The following PROM1 variants were observed in gnomAD, a reference collection of about 807,000 sequenced individuals.
PROM1 encodes the protein prominin 1, also known as prominin-1.
A neutral mutation model predicts 116.9 loss-of-function variants in PROM1; 105 were observed. The ratio of observed to expected loss-of-function variants is 0.90; its 90% CI spans 0.77 to 1.06. The LOEUF is 1.06. Ranked by LOEUF, PROM1 falls within the 50% of genes least tolerant of loss-of-function variation. The pLI, the probability that PROM1 is intolerant of heterozygous loss-of-function variation, is 0.00. For synonymous variants in PROM1, 393 were observed against 387.0 expected, an observed-to-expected ratio of 1.02 and a Z score of -0.18; for missense variants, 1,122 against 1,045.2, an observed-to-expected ratio of 1.07 and a Z score of -1.01.
At chr4:16,038,083 G>A (rs925193469) in intron 3 of PROM1, 1 of 152,060 alleles carries the variant, frequency 6.6e-6, no homozygotes, top group Admixed American at 6.5e-5. Context: ...CCATCCCACC[G>A]GCTCTGCCCT....
intron 5 of PROM1, among the ~76,000 whole-genome samples, chr4:16,025,721 A>G (rs199821727): frequency 1.0e-3 from 63 of 62,148 alleles, no homozygotes; most frequent in Admixed American, 1.9e-3. Flanking sequence ...ACACACACGC[A>G]CACACACACA....
At chr4:16,007,674 T>C (rs1297329862) in intron 12 of PROM1, among the ~76,000 whole-genome samples, 1 of 152,016 alleles carries the variant, frequency 6.6e-6, no homozygotes, top group African/African-American at 2.4e-5. Context: ...GATAAGTTCA[T>C]AGTGTCAGGG....
At chr4:15,971,953 C>A (rs1234900057) in intron 26 of PROM1, 2 of 152,218 alleles carry the variant, frequency 1.3e-5, no homozygotes, top group Non-Finnish European at 1.5e-5. Context: ...CTCAAAGGGC[C>A]CCTGGAAAAG....
intron 18 of PROM1, 59 bp from the exon 19 acceptor site, chr4:15,989,883 G>A (rs1175312519): frequency 1.2e-5 from 17 of 1,365,188 alleles, no homozygotes; most frequent in Middle Eastern, 1.8e-4. Flanking sequence ...AAGCACTCTC[G>A]CTATCCTCAG....
In PROM1 at chr4:16,008,971, A is replaced by G. The variant is rs200710798; in HGVS notation, c.1279T>C (p.Leu427=). ...ESYIHRNLPT[L]EEYDSYWWLG... is the part of the protein sequence containing the mutation. The stretch of plus-strand genomic sequence containing the variant: ...CACCAGTATGAATCATACTCTTCCA[A>G]TGTAGGTAAATTTCTGTGGATGTAA... The change falls in exon 12 of 28, where the codon TTG becomes CTG. Residue 427 remains leucine, a synonymous_variant. Coordinates refer to ENST00000447510, the MANE Select transcript of PROM1 (RefSeq NM_006017.3). 1.2e-4 allele frequency: 195 copies of G among 1,591,790 alleles called. No individual in the cohort carries two copies. The highest frequency in any genetic ancestry group is 1.6e-5 in the Non-Finnish European group (18 of 1,160,800).
intron 4 of PROM1, among the ~76,000 whole-genome samples, chr4:16,034,002 G>T (rs1019063270): frequency 6.6e-5 from 10 of 152,134 alleles, no homozygotes; most frequent in African/African-American, 2.4e-4. Context: ...TGGCCAAGTG[G>T]TTACTGGAAG....
At position 16,075,639 on chromosome 4, in the gene PROM1, G is replaced by A. The variant is rs757956594; in HGVS notation, c.220+48C>T. ...CATTGACATTAAAAAACAATATTGT[G>A]GGTGCGTTTGGAGATAAATCCTATC... On this transcript the variant is annotated intron_variant, in intron 2 of 27. Transcript: ENST00000447510. 1.8e-5 allele frequency: 27 copies of A among 1,503,556 alleles called. No homozygotes were observed. In the East Asian group the frequency reaches 4.2e-4, roughly 24 times the overall value. The allele number at this position is 1,503,556 out of a possible 1,614,324, so 93.1% of individuals were successfully genotyped here.
At position 16,023,415 on chromosome 4, in the gene PROM1, C is replaced by T; in HGVS notation, c.695G>A (p.Ser232Asn). ...TCCGCCTCCTAGCACTGAATTGATA[C>T]CTACATGCAAATAAGCACAAAGATG... ...TKDKAFTDLN[S>N]INSVLGGGIL... The change falls in exon 8 of 28, where the codon AGT becomes AAT. Residue 232 changes from serine (S) to asparagine (N), a missense_variant and splice_region_variant. Coordinates refer to ENST00000447510, the MANE Select transcript of PROM1 (RefSeq NM_006017.3). 6.3e-7 allele frequency: 1 copy of T among 1,591,474 alleles called. No individual in the cohort carries two copies. Among genetic ancestry groups the T allele is most frequent in the Non-Finnish European group, 8.6e-7 (1 of 1,165,622 alleles).
chr4:16,057,554 A>C (rs1224683826), intron 2 of PROM1, among the ~76,000 whole-genome samples: 1 of 152,172 alleles, frequency 6.6e-6, no homozygotes, highest in Non-Finnish European at 1.5e-5. Flanking sequence ...CTTCAACAGA[A>C]TCTTTGTCTC....
intron 16 of PROM1, among the ~76,000 whole-genome samples, chr4:15,992,767 G>A (rs1721393256): frequency 6.6e-6 from 1 of 152,118 alleles, no homozygotes; most frequent in Non-Finnish European, 1.5e-5. Context: ...CTCCAGCTTT[G>A]ACAAACAGAG....
At chr4:16,029,909 C>T (rs1732254375) in intron 5 of PROM1, among the ~76,000 whole-genome samples, 1 of 152,066 alleles carries the variant, frequency 6.6e-6, no homozygotes, top group South Asian at 2.1e-4. Flanking sequence ...AGAGAGAGTC[C>T]ACTCTCCTAT....
At chr4:15,992,917 G>C (rs1721430497) in intron 16 of PROM1, among the ~76,000 whole-genome samples, 1 of 152,186 alleles carries the variant, frequency 6.6e-6, no homozygotes, top group Admixed American at 6.5e-5. Flanking sequence ...AAACACGGTT[G>C]GTGATTCAGG....
chr4:15,985,743 A>C lies in PROM1; in HGVS notation c.2280+17T>G, dbSNP rs979486285. The C allele has an allele frequency of 6.6e-7, 1 of 1,512,232 alleles. No individual in the cohort carries two copies. The allele number at this position is 1,512,232 out of a possible 1,614,324, so 93.7% of individuals were successfully genotyped here. On this transcript the variant is annotated intron_variant, in intron 22 of 27. Coordinates refer to ENST00000447510, the MANE Select transcript of PROM1 (RefSeq NM_006017.3). Reference sequence around the variant, plus strand: ...AACTTGACCCCCCTTAACATTCATAAAAGATAAACTACTTACAGAGAACTC... The same window carrying C: ...AACTTGACCCCCCTTAACATTCATACAAGATAAACTACTTACAGAGAACTC...
intron 19 of PROM1, among the ~76,000 whole-genome samples, chr4:15,987,969 T>C (rs547454756): frequency 3.3e-5 from 5 of 149,334 alleles, no homozygotes; most frequent in East Asian, 2.0e-4. Flanking sequence ...CTCCGCCTCC[T>C]GGGTTCACGC....
chr4:16,075,118 T>C (rs1384785876), intron 2 of PROM1, among the ~76,000 whole-genome samples: 1 of 152,190 alleles, frequency 6.6e-6, no homozygotes, highest in Non-Finnish European at 1.5e-5. Context: ...CTGTGTGTGA[T>C]GAATAACAGC....
chr4:16,078,579 A>T (rs1227496218), intron 1 of PROM1, among the ~76,000 whole-genome samples: 1 of 152,246 alleles, frequency 6.6e-6, no homozygotes, highest in Non-Finnish European at 1.5e-5. Flanking sequence ...TCTCTGTATT[A>T]AGTGTCCTGG....
At chr4:15,980,687 G>A in intron 23 of PROM1, 150 bp from the exon 24 acceptor site, 1 of 629,108 alleles carries the variant, frequency 1.6e-6, no homozygotes, top group Non-Finnish European at 2.7e-6. Flanking sequence ...AGAATGTCAT[G>A]TGGACCAGGC....
chr4:16,063,657 C>T (rs1005165180), intron 2 of PROM1, among the ~76,000 whole-genome samples: 1 of 152,050 alleles, frequency 6.6e-6, no homozygotes, highest in East Asian at 1.9e-4. Context: ...AATGTATGGA[C>T]GTTATGTGTA....
At chr4:16,045,301 T>C (rs960041506) in intron 2 of PROM1, among the ~76,000 whole-genome samples, 2 of 152,118 alleles carry the variant, frequency 1.3e-5, no homozygotes, top group African/African-American at 4.8e-5. Flanking sequence ...CAAAAGACCC[T>C]GCATGTTTGC....
Sources: gnomAD v4.1 joint callset for allele counts (sites outside exome capture counted in the v4.1 genomes callset) on GRCh38, gnomAD v4.1.1 for gene constraint, MANE v1.5 for transcripts, NCBI Gene and HGNC (gene_info 2026-07-23, HGNC 2026-07-21) for gene names.